Variants in SELENON observed in about 807,000 individuals in gnomAD.
The protein encoded by SELENON is selenoprotein N, 1.
A neutral mutation model predicts 59.5 loss-of-function variants in SELENON; 44 were observed. That is an observed-to-expected ratio of 0.74 (90% CI 0.58 to 0.95). SELENON has a LOEUF of 0.95. SELENON is among the 40% of genes least tolerant of loss of function. The pLI, the probability that SELENON is intolerant of heterozygous loss-of-function variation, is 0.00. For synonymous variants in SELENON, 320 were observed against 305.6 expected, an observed-to-expected ratio of 1.05 and a Z score of -0.49; for missense variants, 674 against 721.4, an observed-to-expected ratio of 0.93 and a Z score of 0.75.
At chr1:25,806,350 G>C (rs2047907150) in intron 4 of SELENON, among the ~76,000 whole-genome samples, 4 of 152,246 alleles carry the variant, frequency 2.6e-5, no homozygotes. Flanking sequence ...TTTCTCATCA[G>C]ACCTGGGCTC....
At chr1:25,813,558 C>A (rs1057407722) in intron 10 of SELENON, 2 of 410,776 alleles carry the variant, frequency 4.9e-6, no homozygotes, top group African/African-American at 4.1e-5. Context: ...CTCAAGTGAC[C>A]GGATGGAGTG....
At chr1:25,812,482 T>C (rs1404197539) in intron 9 of SELENON, among the ~76,000 whole-genome samples, 92 of 141,600 alleles carry the variant, frequency 6.5e-4, no homozygotes, top group African/African-American at 2.5e-3. Context: ...CATACACACA[T>C]ATACAAACAT....
At position 25,807,106 on chromosome 1, in the gene SELENON, AG is replaced by A. The variant is rs1221892915; in HGVS notation, c.538-1471del. ...CGAATTATAGGCGTACAGGGATTAT[AG>A]GGATTACAGGTGTGAGCCACCATGC... On this transcript the variant is annotated intron_variant, in intron 4 of 12. Transcript: ENST00000361547. The surrounding 1 kb of genome is among the most constrained non-coding windows in gnomAD (Gnocchi z 4.5). 6.6e-6 allele frequency among the ~76,000 whole-genome samples: 1 copy of A among 151,394 alleles called. No individual in the cohort carries two copies. The highest frequency in any genetic ancestry group is 1.5e-5 in the Non-Finnish European group (1 of 67,898).
chr1:25,801,521 G>A (rs1276000417), intron 2 of SELENON, among the ~76,000 whole-genome samples: 1 of 152,114 alleles, frequency 6.6e-6, no homozygotes, highest in Admixed American at 6.5e-5. Context: ...TTAGCCGGGT[G>A]TGGTGGTGCA....
In SELENON at chr1:25,807,867, A is replaced by C. The variant is rs1337679840; in HGVS notation, c.538-713A>C. Among the ~76,000 whole-genome samples, 1 of 152,214 alleles carries C rather than the reference A, an allele frequency of 6.6e-6. No homozygotes were observed. Among genetic ancestry groups the C allele is most frequent in the Non-Finnish European group, 1.5e-5 (1 of 68,018 alleles). ...CCTCTCCGAGCCATCAGCTTGTCAGACAGAGGCGAGGCAGGTCACCGATGA... is the reference window on the plus strand; with the variant it reads ...CCTCTCCGAGCCATCAGCTTGTCAGCCAGAGGCGAGGCAGGTCACCGATGA... On this transcript the variant is annotated intron_variant, in intron 4 of 12. Transcript: ENST00000361547. This position sits in a 1 kb window ranked among gnomAD's most constrained non-coding sequence, Gnocchi z 4.5.
rs1213655818 is a variant in SELENON at position 25,808,561 on chromosome 1, T to C, written c.538-19T>C. The C allele has an allele frequency of 1.2e-6, 2 of 1,612,406 alleles. No homozygotes were observed. The highest frequency in any genetic ancestry group is 2.7e-5 in the African/African-American group (2 of 74,850). ...GTCAGGTTCTCAGATTCCTGGAGCTTTGCTTTCCCCCGCCCCAGGTCTCCC... is the reference window on the plus strand; with the variant it reads ...GTCAGGTTCTCAGATTCCTGGAGCTCTGCTTTCCCCCGCCCCAGGTCTCCC... On this transcript the variant is annotated intron_variant, in intron 4 of 12. Transcript: ENST00000361547.
intron 9 of SELENON, among the ~76,000 whole-genome samples, 196 bp downstream of exon 8, chr1:25,812,075 G>T (rs1212016158): frequency 6.6e-6 from 1 of 152,234 alleles, no homozygotes; most frequent in Non-Finnish European, 1.5e-5. Context: ...AGGTGCAATG[G>T]CTCATGCCTA....
At chr1:25,803,645 T>C (rs1440058699) in intron 3 of SELENON, among the ~76,000 whole-genome samples, 1 of 152,158 alleles carries the variant, frequency 6.6e-6, no homozygotes, top group Non-Finnish European at 1.5e-5. Context: ...GTGAAGTCCC[T>C]TCCCCAGATC....
chr1:25,804,157 G>A (rs925827329), intron 3 of SELENON, among the ~76,000 whole-genome samples: 1 of 152,166 alleles, frequency 6.6e-6, no homozygotes, highest in Non-Finnish European at 1.5e-5. Context: ...AGAAATAAGT[G>A]ATTCTTCAGA....
chr1:25,811,908 G>A (rs548745457), intron 9 of SELENON, 29 bp downstream of exon 8: 1 of 1,549,718 alleles, frequency 6.5e-7, no homozygotes, highest in Non-Finnish European at 8.7e-7. Context: ...GAAGGCCAGG[G>A]TCAGGCTGCA....
intron 7 of SELENON, 21 bp downstream of exon 6, chr1:25,809,841 C>T (rs1572233718): frequency 6.2e-7 from 1 of 1,611,690 alleles, no homozygotes; most frequent in East Asian, 2.2e-5. Context: ...GACCCTGGCC[C>T]AGCCTTGGCT....
At chr1:25,809,381 G>GC (rs1271348094) in intron 6 of SELENON, among the ~76,000 whole-genome samples, 1 of 152,232 alleles carries the variant, frequency 6.6e-6, no homozygotes, top group Non-Finnish European at 1.5e-5. Flanking sequence ...AACTTGCTTG[G>GC]CACGGGGCTG....
chr1:25,815,854 G>T lies in SELENON; in HGVS notation c.*136G>T. 1.1e-6 allele frequency: 1 copy of T among 892,826 alleles called. No homozygotes were observed. Among genetic ancestry groups the T allele is most frequent in the Non-Finnish European group, 1.7e-6 (1 of 581,096 alleles). 55.3% of individuals were successfully genotyped at this position (892,826 alleles called of 1,614,324 possible). The stretch of plus-strand genomic sequence containing the variant: ...CTTGGAGGGTACAAGATCCACTGAG[G>T]GTGGCCACCACAGCCTTGGCTCCAT... On this transcript the variant is annotated 3_prime_UTR_variant, in exon 13 of 13. Coordinates refer to ENST00000361547, the MANE Select transcript of SELENON (RefSeq NM_020451.3).
At chr1:25,804,441 C>T (rs1394763710) in intron 3 of SELENON, among the ~76,000 whole-genome samples, 3 of 151,954 alleles carry the variant, frequency 2.0e-5, no homozygotes. Flanking sequence ...CCCCGCCCTC[C>T]GCTGGCTACA....
rs752371323 is a variant in SELENON at position 25,811,458 on chromosome 1, CTGAA to C, written c.1018_1021del (p.Asn340TrpfsTer?). 6.2e-7 allele frequency: 1 copy of C among 1,613,774 alleles called. No individual in the cohort carries two copies. Among genetic ancestry groups the C allele is most frequent in the Non-Finnish European group, 8.5e-7 (1 of 1,179,868 alleles). On this transcript the variant is annotated frameshift_variant, in exon 8 of 13. Coordinates refer to ENST00000361547, the MANE Select transcript of SELENON (RefSeq NM_020451.3). LOFTEE classifies it high-confidence loss of function. ...ACTCTGCCCTGGCCATCCCAGGTCT[CTGAA>C]TGTGGACATGGAGTGGCTTTACGGG...
chr1:25,805,138 A>G lies in SELENON; in HGVS notation c.404-4A>G. ...AGTGCCTCTCCGATGTCTGTGTCTC[A>G]TAGGGTCAACTCCCGCGGCCAGCTG... is the stretch of plus-strand genomic sequence containing the variant. On this transcript the variant is annotated splice_polypyrimidine_tract_variant and splice_region_variant and intron_variant, in intron 3 of 12. Coordinates refer to ENST00000361547, the MANE Select transcript of SELENON (RefSeq NM_020451.3). 6.2e-7 allele frequency: 1 copy of G among 1,613,254 alleles called. No homozygotes were observed. The highest frequency in any genetic ancestry group is 1.8e-4 in the Middle Eastern group (1 of 5,680).
Position 25,817,067 on chromosome 1 carries a change from C to T in SELENON, c.*1349C>T, listed in dbSNP as rs1053861658. On this transcript the variant is annotated 3_prime_UTR_variant, in exon 13 of 13. Coordinates refer to ENST00000361547, the MANE Select transcript of SELENON (RefSeq NM_020451.3). ...CAGCCCCCAGTTCTCTCCCCACCCC[C>T]TCACCCCACCCGGGGCTCACTCAGC... 6.6e-6 allele frequency: 1 copy of T among 152,026 alleles called. No homozygotes were observed. The highest frequency in any genetic ancestry group is 1.5e-5 in the Non-Finnish European group (1 of 68,050). 9.4% of individuals were successfully genotyped at this position (152,026 alleles called of 1,614,324 possible).
intron 10 of SELENON, among the ~76,000 whole-genome samples, chr1:25,813,359 G>A (rs1484495000): frequency 2.0e-5 from 3 of 152,218 alleles, no homozygotes; most frequent in Admixed American, 2.0e-4. Flanking sequence ...GAGGAAGGCA[G>A]AAGGGGTCCC....
At chr1:25,810,437 T>A (rs2047948260) in intron 7 of SELENON, among the ~76,000 whole-genome samples, 1 of 152,206 alleles carries the variant, frequency 6.6e-6, no homozygotes, top group African/African-American at 2.4e-5. Flanking sequence ...TTTGTCCAGA[T>A]TCCTAACTGA....
Sources: gnomAD v4.1 joint callset for allele counts (sites outside exome capture counted in the v4.1 genomes callset) on GRCh38, gnomAD v4.1.1 for gene constraint, Gnocchi (gnomAD v3.1) non-coding constraint, MANE v1.5 for transcripts, NCBI Gene and HGNC (gene_info 2026-07-23, HGNC 2026-07-21) for gene names.